The following SEMA3A variants were observed in gnomAD, a reference collection of about 807,000 sequenced individuals.
The protein encoded by SEMA3A is semaphorin 3A.
In SEMA3A, 29 loss-of-function variants were observed where a neutral mutation model predicts 97.9. The ratio of observed to expected loss-of-function variants is 0.30; its 90% CI spans 0.22 to 0.40. SEMA3A has a LOEUF of 0.40. Among genes scored for constraint, SEMA3A ranks in the 10% least tolerant of loss-of-function variants. SEMA3A has a pLI of 1.00. For synonymous variants in SEMA3A, 321 were observed against 323.7 expected (o/e 0.99, Z 0.09); for missense variants, 763 against 951.3 (o/e 0.80, Z 2.60).
chr7:84,365,484 T>A (rs1802825360), intron 2 of SEMA3A, among the ~76,000 whole-genome samples: 1 of 135,090 alleles, frequency 7.4e-6, no homozygotes, highest in South Asian at 2.3e-4. Context: ...CAAACCCTCA[T>A]CTCTCTTTGT....
At chr7:84,083,667 T>C (rs538153170) in intron 4 of SEMA3A, among the ~76,000 whole-genome samples, 22 of 152,190 alleles carry the variant, frequency 1.4e-4, no homozygotes, top group Admixed American at 7.2e-4. Flanking sequence ...ATTTGCTATA[T>C]AATTGTATAT....
chr7:84,272,735 G>A (rs1421130023), intron 3 of SEMA3A, among the ~76,000 whole-genome samples: 1 of 152,014 alleles, frequency 6.6e-6, no homozygotes, highest in Non-Finnish European at 1.5e-5. Flanking sequence ...GTCAGGTTAC[G>A]CCATTATCTC....
chr7:84,151,097 C>T (rs1199827820), intron 1 of SEMA3A, among the ~76,000 whole-genome samples: 4 of 149,560 alleles, frequency 2.7e-5, no homozygotes, highest in South Asian at 2.1e-4. Flanking sequence ...TGTACATCAC[C>T]ATCATCAAAG....
Position 83,963,272 on chromosome 7 carries a change from C to T in SEMA3A, c.1793G>A (p.Ser598Asn). The T allele has an allele frequency of 6.2e-7, 1 of 1,613,802 alleles. No homozygotes were observed. The highest frequency in any genetic ancestry group is 8.5e-7 in the Non-Finnish European group (1 of 1,179,982). ...VENSSTFLEC[S>N]PKSQRALVYW... The stretch of plus-strand genomic sequence containing the variant: ...GACCAGCGCTCTCTGCGACTTCGGA[C>T]TGCATTCCAAAAATGTGCTACTATT... The change falls in exon 16 of 17, where the codon AGT becomes AAT. Residue 598 changes from serine to asparagine, a missense_variant. Physicochemically the swap from Ser to Asn is conservative, Grantham distance 46. Transcript: ENST00000265362.
At chr7:84,294,231 G>A (rs1180465966) in intron 3 of SEMA3A, among the ~76,000 whole-genome samples, 1 of 151,782 alleles carries the variant, frequency 6.6e-6, no homozygotes, top group East Asian at 1.9e-4. Context: ...TAGCAATTTT[G>A]GATTTTTACA....
chr7:84,364,559 CTAAA>C, intron 2 of SEMA3A, among the ~76,000 whole-genome samples: 1 of 151,598 alleles, frequency 6.6e-6, no homozygotes, highest in East Asian at 1.9e-4. Context: ...GCACAATAAA[CTAAA>C]TATTTATTAC....
At chr7:84,467,894 T>C (rs1369976719) in intron 1 of SEMA3A, among the ~76,000 whole-genome samples, 1 of 152,168 alleles carries the variant, frequency 6.6e-6, no homozygotes, top group African/African-American at 2.4e-5. Context: ...ATAGTATTTT[T>C]ATATTTTCTA....
rs183857194 is a variant in SEMA3A at position 84,230,724 on chromosome 7, A to C, written c.-82-36056T>G. Among the ~76,000 whole-genome samples the C allele has an allele frequency of 2.6e-5, 4 of 152,064 alleles. No individual in the cohort carries two copies. The East Asian group carries it at 7.7e-4, about 29-fold the overall frequency. ...CAACTTCTCTTGATTACAGTTTTGC[A>C]ATAATGTCCTCAAGCTTGTAATCTT... On this transcript the variant is annotated intron_variant, in intron 3 of 3. Transcript: ENST00000424555.
intron 12 of SEMA3A, among the ~76,000 whole-genome samples, chr7:83,999,920 G>A (rs1014171792): frequency 6.6e-6 from 1 of 152,026 alleles, no homozygotes; most frequent in Non-Finnish European, 1.5e-5. Context: ...ACTGTTCCTA[G>A]TTTATCTTTC....
At chr7:84,461,344 A>C (rs1805834822) in intron 1 of SEMA3A, among the ~76,000 whole-genome samples, 2 of 152,192 alleles carry the variant, frequency 1.3e-5, no homozygotes, top group African/African-American at 4.8e-5. Flanking sequence ...ACAATACCAC[A>C]GTATAAAGAC....
At chr7:84,182,907 T>C (rs546429391) in intron 1 of SEMA3A, among the ~76,000 whole-genome samples, 2 of 152,272 alleles carry the variant, frequency 1.3e-5, no homozygotes, top group East Asian at 3.9e-4. Context: ...CTACATTTCT[T>C]TGAAAGACAC....
At position 84,134,888 on chromosome 7, in the gene SEMA3A, G is replaced by A; in HGVS notation, c.176C>T (p.Thr59Ile). 1 of 1,613,788 alleles carries A rather than the reference G, an allele frequency of 6.2e-7. No individual in the cohort carries two copies. The highest frequency in any genetic ancestry group is 8.5e-7 in the Non-Finnish European group (1 of 1,179,778). ...NGLANSSSYH[T>I]FLLDEERSRL... ...ACTCCGTTCCTCATCCAAAAGGAAG[G>A]TATGATAACTGGAGCTGTTGGCCAA... The change falls in exon 2 of 17, where the codon ACC becomes ATC. Residue 59 changes from threonine to isoleucine, a missense_variant. Physicochemically the swap from Thr to Ile is moderately conservative, Grantham distance 89 (BLOSUM62 -1). This residue lies in a region of SEMA3A where 85 missense variants were observed against 70.0 expected (regional missense o/e 1.21). Transcript: ENST00000265362.
intron 2 of SEMA3A, among the ~76,000 whole-genome samples, chr7:84,346,677 C>G (rs938486508): frequency 2.0e-5 from 3 of 151,828 alleles, no homozygotes; most frequent in African/African-American, 7.3e-5. Context: ...TGTGATGTCC[C>G]AAAACAACTA....
chr7:84,194,902 A>G, upstream of SEMA3A: 1 of 221,510 alleles, frequency 4.5e-6, no homozygotes. Flanking sequence ...AGTGGTGCTT[A>G]AGAAGCAGTT....
chr7:84,413,163 A>T (rs2116255734), intron 1 of SEMA3A, among the ~76,000 whole-genome samples: 1 of 152,274 alleles, frequency 6.6e-6, no homozygotes, highest in East Asian at 1.9e-4. Flanking sequence ...TACCCTTCAT[A>T]ACTGATGCAG....
chr7:84,134,040 G>A (rs759196928), intron 2 of SEMA3A, among the ~76,000 whole-genome samples: 3 of 151,950 alleles, frequency 2.0e-5, no homozygotes, highest in Admixed American at 6.6e-5. Flanking sequence ...CAGCCTGGGC[G>A]ACAGAGCGAG....
intron 1 of SEMA3A, among the ~76,000 whole-genome samples, chr7:84,433,150 A>G (rs987981851): frequency 1.1e-4 from 17 of 151,862 alleles, no homozygotes. Flanking sequence ...ATAGGTATAC[A>G]TGTGCCATGG....
chr7:84,138,125 G>A (rs1234601923), intron 1 of SEMA3A, among the ~76,000 whole-genome samples: 2 of 152,140 alleles, frequency 1.3e-5, no homozygotes, highest in African/African-American at 2.4e-5. Context: ...TTTCCTGTTT[G>A]TATAAGTAGA....
intron 1 of SEMA3A, among the ~76,000 whole-genome samples, chr7:84,388,404 C>T (rs1017430041): frequency 7.9e-5 from 12 of 151,580 alleles, no homozygotes; most frequent in African/African-American, 2.4e-4. Flanking sequence ...GAATGCATAC[C>T]GTTTTAAAGC....
Sources: gnomAD v4.1 joint callset for allele counts (sites outside exome capture counted in the v4.1 genomes callset) on GRCh38, gnomAD v4.1.1 for gene constraint, gnomAD v4.1.1 regional missense constraint, MANE v1.5 for transcripts, NCBI Gene and HGNC (gene_info 2026-07-23, HGNC 2026-07-21) for gene names.